The following SPATA33 variants were observed in gnomAD, a reference collection of about 807,000 sequenced individuals.
The protein encoded by SPATA33 is spermatogenesis-associated protein 33.
Under a neutral mutation model 8.9 loss-of-function variants are expected in SPATA33, and 10 were observed. That is an observed-to-expected ratio of 1.12 (90% CI 0.69 to 1.90). The LOEUF (loss-of-function observed/expected upper bound fraction) is 1.90. Ranked by LOEUF, SPATA33 falls within the 40% of genes most tolerant of loss-of-function variation. The pLI, the probability that SPATA33 is intolerant of heterozygous loss-of-function variation, is 0.00. For missense variants in SPATA33, 241 were observed against 178.3 expected (o/e 1.35, Z -2.00); for synonymous variants, 96 against 72.8 (o/e 1.32, Z -1.63).
At chr16:89,661,274 T>C (rs1597802370) in intron 2 of SPATA33, 1 of 929,120 alleles carries the variant, frequency 1.1e-6, no homozygotes, top group African/African-American at 1.8e-5. Context: ...AGGAACTGGG[T>C]GGGAGGTGAT....
intron 1 of SPATA33, 129 bp from the exon 2 acceptor site, chr16:89,658,119 T>C: frequency 6.6e-7 from 1 of 1,513,210 alleles, no homozygotes; most frequent in Non-Finnish European, 8.8e-7. Flanking sequence ...CTGAGGCGGT[T>C]ACGGAAACGC....
chr16:89,660,859 A>C, intron 2 of SPATA33: 1 of 1,131,198 alleles, frequency 8.8e-7, no homozygotes, highest in Non-Finnish European at 1.1e-6. Context: ...CCCAGGAGCC[A>C]GACCTGTGAG....
chr16:89,660,824 A>T, intron 2 of SPATA33: 1 of 1,130,488 alleles, frequency 8.8e-7, no homozygotes, highest in East Asian at 3.6e-5. Context: ...GCAGTTTAGT[A>T]GTCCTGGTCC....
At chr16:89,665,349 A>G (rs1597806372) in intron 2 of SPATA33, among the ~76,000 whole-genome samples, 1 of 149,132 alleles carries the variant, frequency 6.7e-6, no homozygotes. Context: ...GTCGCCACCC[A>G]GGCTGGACTG....
At chr16:89,668,545 C>T (rs1045493263) in intron 2 of SPATA33, among the ~76,000 whole-genome samples, 2 of 152,132 alleles carry the variant, frequency 1.3e-5, no homozygotes, top group Non-Finnish European at 2.9e-5. Context: ...CAGCTGTGCC[C>T]TAGCTCGTAG....
At chr16:89,658,571 G>T in intron 2 of SPATA33, 150 bp downstream of exon 2, 1 of 985,116 alleles carries the variant, frequency 1.0e-6, no homozygotes, top group Non-Finnish European at 1.5e-6. Context: ...GGAACTTTAT[G>T]TAGGAGGTAA....
chr16:89,663,857 G>C (rs1350054627), intron 2 of SPATA33, among the ~76,000 whole-genome samples: 2 of 152,164 alleles, frequency 1.3e-5, no homozygotes, highest in Non-Finnish European at 2.9e-5. Flanking sequence ...AGTGGCTCAC[G>C]CCTGTAATTT....
intron 2 of SPATA33, chr16:89,660,733 A>G: frequency 1.3e-6 from 1 of 756,636 alleles, no homozygotes; most frequent in Non-Finnish European, 1.8e-6. Flanking sequence ...CAGAAATGGG[A>G]GCCGGCCACA....
rs376966711 is a variant in SPATA33, at chr16:89,669,314, C to T, written c.240C>T (p.Ser80=). The T allele has an allele frequency of 6.2e-7, 1 of 1,614,140 alleles. No individual in the cohort carries two copies. The highest frequency in any genetic ancestry group is 8.5e-7 in the Non-Finnish European group (1 of 1,180,032). ...EEKPDVKQKS[S]RKKVVVPQII... ...AACCTGATGTAAAGCAAAAGTCCAGCAGGAAGAAAGTGGTCGTTCCACAGA... is the reference window on the plus strand; with the variant it reads ...AACCTGATGTAAAGCAAAAGTCCAGTAGGAAGAAAGTGGTCGTTCCACAGA... The change falls in exon 3 of 3, where the codon AGC becomes AGT. Residue 80 remains serine (S), a synonymous_variant. Transcript: ENST00000579310.
intron 1 of SPATA33, 96 bp downstream of exon 1, chr16:89,658,044 G>T (rs1331667259): frequency 6.9e-7 from 1 of 1,453,830 alleles, no homozygotes; most frequent in South Asian, 1.5e-5. Flanking sequence ...GAGCGCAGGC[G>T]CCAGGCTCGG....
In SPATA33 at chr16:89,657,896, G is replaced by A; in HGVS notation, c.-16G>A. ...GGGGACCCGGGCTTGCGTCGGAGGG[G>A]GCGGTGGGCTCACCCATGGGCCTTT... On this transcript the variant is annotated 5_prime_UTR_variant, in exon 1 of 3. Transcript: ENST00000579310. 1 of 1,517,418 alleles carries A rather than the reference G, an allele frequency of 6.6e-7. No individual in the cohort carries two copies. Among genetic ancestry groups the A allele is most frequent in the Non-Finnish European group, 8.8e-7 (1 of 1,139,732 alleles). 94.0% of individuals were successfully genotyped at this position (1,517,418 alleles called of 1,614,324 possible).
chr16:89,662,457 C>T (rs1439121656), intron 2 of SPATA33, among the ~76,000 whole-genome samples: 1 of 150,610 alleles, frequency 6.6e-6, no homozygotes, highest in Non-Finnish European at 1.5e-5. Context: ...CTTCTTGTTG[C>T]CCAGGCTGGA....
At chr16:89,660,771 G>A in intron 2 of SPATA33, 2 of 916,820 alleles carry the variant, frequency 2.2e-6, no homozygotes, top group Non-Finnish European at 1.4e-6. Context: ...TTTGGAGGGT[G>A]ATGGAAATGG....
intron 2 of SPATA33, among the ~76,000 whole-genome samples, chr16:89,665,288 C>A (rs1329232097): frequency 7.3e-6 from 1 of 137,830 alleles, no homozygotes; most frequent in East Asian, 2.2e-4. Flanking sequence ...AGCCACCGCA[C>A]CTGGCCCAAG....
rs764005818 is a variant in SPATA33, at chr16:89,658,239, A to G, written c.38-9A>G. 6 of 1,614,104 alleles carry G rather than the reference A, an allele frequency of 3.7e-6. No homozygotes were observed. The highest frequency in any genetic ancestry group is 1.7e-5 in the Admixed American group (1 of 60,030). ...GTCCCGGGTCTAACGGATGATCCAT[A>G]TATTTCAGGTGAGGAGCAAAAGAAG... is the stretch of plus-strand genomic sequence containing the variant. On this transcript the variant is annotated splice_polypyrimidine_tract_variant and intron_variant, in intron 1 of 2. Coordinates refer to ENST00000579310, the MANE Select transcript of SPATA33 (RefSeq NM_001271907.2).
chr16:89,663,362 G>A (rs569264840), intron 2 of SPATA33, among the ~76,000 whole-genome samples: 22 of 151,458 alleles, frequency 1.5e-4, no homozygotes, highest in African/African-American at 3.2e-4. Flanking sequence ...ACAGGCATGC[G>A]CCACCATGCC....
chr16:89,661,590 T>A (rs1356671525), intron 2 of SPATA33: 1 of 152,224 alleles, frequency 6.6e-6, no homozygotes, highest in Non-Finnish European at 1.5e-5. Context: ...CCCTACTACT[T>A]CTGTATATGC....
At position 89,669,337 on chromosome 16, in the gene SPATA33, A is replaced by G; in HGVS notation, c.263A>G (p.Gln88Arg). Residue 88 changes from glutamine to arginine, a missense_variant, in exon 3 of 3, where the codon CAG becomes CGG. Physicochemically the swap from Gln to Arg is conservative, Grantham distance 43. Coordinates refer to ENST00000579310, the MANE Select transcript of SPATA33 (RefSeq NM_001271907.2). ...KSSRKKVVVPQIIITRASNET... is the reference protein window; with the variant it reads ...KSSRKKVVVPRIIITRASNET... ...AGCAGGAAGAAAGTGGTCGTTCCAC[A>G]GATCATCATCACGCGAGCGTCGAAT... The G allele has an allele frequency of 6.2e-7, 1 of 1,614,218 alleles. No homozygotes were observed. The highest frequency in any genetic ancestry group is 8.5e-7 in the Non-Finnish European group (1 of 1,180,032).
chr16:89,658,143 T>A, intron 1 of SPATA33, 105 bp from the exon 2 acceptor site: 1 of 1,552,080 alleles, frequency 6.4e-7, no homozygotes, highest in East Asian at 2.3e-5. Context: ...GACTCGAGAC[T>A]TGAAGCCAGC....
Sources: gnomAD v4.1 joint callset for allele counts (sites outside exome capture counted in the v4.1 genomes callset) on GRCh38, gnomAD v4.1.1 for gene constraint, MANE v1.5 for transcripts, NCBI Gene and HGNC (gene_info 2026-07-23, HGNC 2026-07-21) for gene names.